The following FKBP5 variants were observed in gnomAD, a reference collection of about 807,000 sequenced individuals.
FKBP5 encodes the protein peptidyl-prolyl cis-trans isomerase FKBP5.
Under a neutral mutation model 50.5 loss-of-function variants are expected in FKBP5, and 23 were observed. That is an observed-to-expected ratio of 0.46 (90% CI 0.33 to 0.65). The LOEUF is 0.65. Ranked by LOEUF, FKBP5 falls within the 30% of genes least tolerant of loss-of-function variation. The pLI, the probability that FKBP5 is intolerant of heterozygous loss-of-function variation, is 0.02. For missense variants in FKBP5, 411 were observed against 553.1 expected, an observed-to-expected ratio of 0.74 and a Z score of 2.58; for synonymous variants, 176 against 190.6, an observed-to-expected ratio of 0.92 and a Z score of 0.63.
At chr6:35,588,289 A>G (rs1762676589) in intron 7 of FKBP5, among the ~76,000 whole-genome samples, 1 of 152,118 alleles carries the variant, frequency 6.6e-6, no homozygotes, top group African/African-American at 2.4e-5. Context: ...AGCTGGGATT[A>G]CAGGCGTGAG....
chr6:35,697,296 C>T (rs146583828), intron 2 of FKBP5, among the ~76,000 whole-genome samples: 26 of 152,218 alleles, frequency 1.7e-4, no homozygotes, highest in African/African-American at 6.3e-4. Flanking sequence ...GCCTGTAATC[C>T]CAGCACTTTG....
intron 1 of FKBP5, among the ~76,000 whole-genome samples, chr6:35,653,772 T>C (rs183910009): frequency 1.3e-5 from 2 of 152,254 alleles, no homozygotes; most frequent in Non-Finnish European, 2.9e-5. Context: ...ATAAAAGAAT[T>C]ATGGGCTGAC....
At chr6:35,673,975 A>G (rs531492184) in intron 1 of FKBP5, among the ~76,000 whole-genome samples, 56 of 152,198 alleles carry the variant, frequency 3.7e-4, no homozygotes, top group Admixed American at 2.7e-3. Flanking sequence ...CTGAACCTCA[A>G]TTTCCTCATC....
chr6:35,648,065 C>T (rs1764678571), intron 1 of FKBP5, among the ~76,000 whole-genome samples: 1 of 151,652 alleles, frequency 6.6e-6, no homozygotes, highest in Non-Finnish European at 1.5e-5. Context: ...CTTAAAAAAG[C>T]TACTGATGTC....
At chr6:35,620,822 T>C (rs1763809599) in intron 3 of FKBP5, among the ~76,000 whole-genome samples, 1 of 152,190 alleles carries the variant, frequency 6.6e-6, no homozygotes, top group Non-Finnish European at 1.5e-5. Context: ...AATTAAGTCT[T>C]TGAAAACTGG....
chr6:35,682,845 C>T (rs1359003398), intron 1 of FKBP5, among the ~76,000 whole-genome samples: 1 of 148,056 alleles, frequency 6.8e-6, no homozygotes, highest in South Asian at 2.1e-4. Context: ...GAGTTTGTGT[C>T]GAGGCTGCAG....
rs1432223911 is a variant in FKBP5 at position 35,575,620 on chromosome 6, T to TGTTCCACCTGGAGTGGTCCC, written c.*195_*214dup. ...CCTCCACACCACAGTCATTTCTGTT[T>TGTTCCACCTGGAGTGGTCCC]GTTCCACCTGGAGTGGTCCCGTGCC... On this transcript the variant is annotated 3_prime_UTR_variant, in exon 11 of 11. Transcript: ENST00000357266. 5 of 534,706 alleles carry TGTTCCACCTGGAGTGGTCCC rather than the reference T, an allele frequency of 9.4e-6. No homozygotes were observed. Among genetic ancestry groups the TGTTCCACCTGGAGTGGTCCC allele is most frequent in the African/African-American group, 7.6e-5 (4 of 52,806 alleles). The allele number at this position is 534,706 out of a possible 1,614,324, so 33.1% of individuals were successfully genotyped here. A position where few individuals can be genotyped will look rare whatever the true frequency, so the allele number is the denominator to read the frequency against.
chr6:35,667,019 C>CTGTGTGTG (rs35407744), intron 1 of FKBP5, among the ~76,000 whole-genome samples: 37 of 148,900 alleles, frequency 2.5e-4, no homozygotes, highest in Admixed American at 1.0e-3. Context: ...GTGTGTGTGT[C>CTGTGTGTG]TGTGTGTGTG....
rs1363823604 is a variant in FKBP5, at chr6:35,642,805, G to C, written c.20C>G (p.Ala7Gly). The change falls in exon 2 of 11, where the codon GCC (alanine) becomes GGC (glycine). Residue 7 changes from alanine (A) to glycine (G), a missense_variant. Transcript: ENST00000357266. ...TGTGGGGCTTTCTTCATTGTTCTTG[G>C]CACCTTCATCAGTAGTCATTGTCTT... MTTDEGAKNNEESPTAT... is the reference protein window; with the variant it reads MTTDEGGKNNEESPTAT... 1.2e-6 allele frequency: 2 copies of C among 1,613,454 alleles called. No individual in the cohort carries two copies. Among genetic ancestry groups the C allele is most frequent in the African/African-American group, 2.7e-5 (2 of 74,822 alleles).
intron 7 of FKBP5, 35 bp downstream of exon 7, chr6:35,591,095 C>A: frequency 7.2e-7 from 1 of 1,382,548 alleles, no homozygotes; most frequent in East Asian, 2.3e-5. Context: ...GAGAAGAAAC[C>A]TACCATAATT....
At position 35,577,202 on chromosome 6, in the gene FKBP5, C is replaced by A; in HGVS notation, c.1058G>T (p.Gly353Val). The change falls in exon 10 of 11, where the codon GGC becomes GTC. Residue 353 changes from glycine to valine, a missense_variant. This residue lies in a region of FKBP5 where 267 missense variants were observed against 405.9 expected (regional missense o/e 0.66). Transcript: ENST00000357266. ...ALGLDSANEK[G>V]LYRRGEAQLL... ...CTGGGCTTCACCCCTCCTATACAAG[C>A]CTTTCTCATTGGCACTGTCCAGTCC... 1 of 1,612,788 alleles carries A rather than the reference C, an allele frequency of 6.2e-7. No homozygotes were observed. The highest frequency in any genetic ancestry group is 8.5e-7 in the Non-Finnish European group (1 of 1,179,212).
chr6:35,629,772 C>T (rs951379588), intron 3 of FKBP5, among the ~76,000 whole-genome samples: 7 of 152,146 alleles, frequency 4.6e-5, no homozygotes, highest in African/African-American at 1.4e-4. Context: ...TCCCTGATAT[C>T]CACTCAGCAG....
intron 1 of FKBP5, among the ~76,000 whole-genome samples, chr6:35,648,807 G>T (rs145023018): frequency 1.3e-5 from 2 of 152,180 alleles, no homozygotes; most frequent in Admixed American, 6.5e-5. Context: ...AAACTGGCTG[G>T]GCATGGTGGC....
chr6:35,627,928 A>ATTTTTT (rs35468991), intron 3 of FKBP5, among the ~76,000 whole-genome samples: 1 of 108,466 alleles, frequency 9.2e-6, no homozygotes, highest in African/African-American at 3.7e-5. Context: ...TGCCCAGCTA[A>ATTTTTT]TTTTTTTTTT....
chr6:35,587,840 G>C (rs1443422394), intron 7 of FKBP5, among the ~76,000 whole-genome samples: 4 of 152,086 alleles, frequency 2.6e-5, no homozygotes, highest in Non-Finnish European at 4.4e-5. Context: ...GATTTAGAAG[G>C]ACCAGAGTCA....
intron 3 of FKBP5, among the ~76,000 whole-genome samples, chr6:35,633,098 G>A (rs979214079): frequency 1.3e-5 from 2 of 151,988 alleles, no homozygotes; most frequent in Non-Finnish European, 2.9e-5. Flanking sequence ...CCCCAAATTA[G>A]GATGACTTTC....
intron 2 of FKBP5, among the ~76,000 whole-genome samples, chr6:35,699,849 C>T (rs1196812869): frequency 6.6e-6 from 1 of 152,128 alleles, no homozygotes; most frequent in East Asian, 1.9e-4. Context: ...GAGTTCAAGA[C>T]CGGCCTGGTC....
At chr6:35,664,467 G>A (rs1386366153) in intron 1 of FKBP5, among the ~76,000 whole-genome samples, 1 of 152,124 alleles carries the variant, frequency 6.6e-6, no homozygotes, top group Non-Finnish European at 1.5e-5. Context: ...GCCACTCCCG[G>A]AGGAAGAACA....
At chr6:35,619,780 G>A (rs758989320) in intron 4 of FKBP5, among the ~76,000 whole-genome samples, 10 of 152,040 alleles carry the variant, frequency 6.6e-5, no homozygotes, top group Admixed American at 3.3e-4. Flanking sequence ...TAAATACCCC[G>A]CAACGTGACA....
Sources: gnomAD v4.1 joint callset for allele counts (sites outside exome capture counted in the v4.1 genomes callset) on GRCh38, gnomAD v4.1.1 for gene constraint, gnomAD v4.1.1 regional missense constraint, MANE v1.5 for transcripts, NCBI Gene and HGNC (gene_info 2026-07-23, HGNC 2026-07-21) for gene names.